The following SDK1 variants were observed in gnomAD, a reference collection of about 807,000 sequenced individuals.
SDK1 encodes the protein protein sidekick-1.
SDK1 carries 157 observed loss-of-function variants against 245.5 expected under a neutral mutation model. The observed-to-expected ratio is 0.64, with a 90% CI of 0.56 to 0.73. The LOEUF is 0.73. Among genes scored for constraint, SDK1 ranks in the 30% least tolerant of loss-of-function variants. SDK1 has a pLI of 0.00. For missense variants in SDK1, 3,583 were observed against 3,002.3 expected (o/e 1.19, Z -4.52); for synonymous variants, 1,647 against 1,278.5 (o/e 1.29, Z -6.15).
intron 1 of SDK1, among the ~76,000 whole-genome samples, chr7:3,348,632 C>T (rs374107185): frequency 1.3e-5 from 2 of 152,122 alleles, no homozygotes; most frequent in East Asian, 1.9e-4. Context: ...CTCGTCTGCA[C>T]CCCAAACCTC....
chr7:3,549,148 C>G (rs1281527091), intron 1 of SDK1, among the ~76,000 whole-genome samples: 2 of 152,224 alleles, frequency 1.3e-5, no homozygotes, highest in African/African-American at 4.8e-5. Flanking sequence ...AAGGCTTCCT[C>G]CTGTCTTTGT....
intron 1 of SDK1, among the ~76,000 whole-genome samples, chr7:3,439,792 A>G (rs1167372505): frequency 2.0e-5 from 3 of 152,202 alleles, no homozygotes; most frequent in Non-Finnish European, 4.4e-5. Flanking sequence ...GGAGGAAGAT[A>G]GTGAGAATGG....
rs188607441 is a variant in SDK1 at position 3,402,968 on chromosome 7, A to G, written c.298+101084A>G. Among the ~76,000 whole-genome samples the G allele has an allele frequency of 2.1e-3, 324 of 152,080 alleles. 2 individuals carry two copies. Among genetic ancestry groups the G allele is most frequent in the Admixed American group, 5.0e-3 (76 of 15,252 alleles). On this transcript the variant is annotated intron_variant, in intron 1 of 44. Coordinates refer to ENST00000404826, the MANE Select transcript of SDK1 (RefSeq NM_152744.4). ...TTCTTTCTTTCTTTCTTTTTTTGAGACAGAGTTTCACTCTGGAGTGCAGTG... is the reference window on the plus strand; with the variant it reads ...TTCTTTCTTTCTTTCTTTTTTTGAGGCAGAGTTTCACTCTGGAGTGCAGTG...
At chr7:3,357,793 A>G (rs926521886) in intron 1 of SDK1, among the ~76,000 whole-genome samples, 7 of 152,154 alleles carry the variant, frequency 4.6e-5, no homozygotes, top group African/African-American at 1.7e-4. Flanking sequence ...CTCAAAAACC[A>G]AACAGTAAAC....
intron 1 of SDK1, among the ~76,000 whole-genome samples, chr7:3,316,082 A>G (rs1278567495): frequency 6.6e-6 from 1 of 152,224 alleles, no homozygotes; most frequent in African/African-American, 2.4e-5. Flanking sequence ...AGTTAATGGT[A>G]GATGGTAGAT....
At chr7:3,305,209 C>T (rs1207025616) in intron 1 of SDK1, among the ~76,000 whole-genome samples, 1 of 152,220 alleles carries the variant, frequency 6.6e-6, no homozygotes, top group Non-Finnish European at 1.5e-5. Flanking sequence ...CTGAGGTGTA[C>T]ATCGGAATCA....
intron 4 of SDK1, among the ~76,000 whole-genome samples, chr7:3,670,845 C>T (rs776431839): frequency 1.3e-5 from 2 of 152,176 alleles, no homozygotes; most frequent in African/African-American, 4.8e-5. Flanking sequence ...CCTTTTACTA[C>T]TGGTTTGTGA....
At chr7:3,501,425 T>G (rs1029098787) in intron 1 of SDK1, among the ~76,000 whole-genome samples, 2 of 152,042 alleles carry the variant, frequency 1.3e-5, no homozygotes, top group Non-Finnish European at 2.9e-5. Context: ...ACAGTTAGGT[T>G]CCGAGTGACA....
chr7:3,553,270 A>T (rs764581101), intron 1 of SDK1, among the ~76,000 whole-genome samples: 1 of 152,324 alleles, frequency 6.6e-6, no homozygotes, highest in Non-Finnish European at 1.5e-5. Flanking sequence ...TTATTTTCCA[A>T]TGATGAATCT....
At position 3,315,949 on chromosome 7, in the gene SDK1, C is replaced by G. The variant is rs904047161; in HGVS notation, c.298+14065C>G. Among the ~76,000 whole-genome samples the G allele has an allele frequency of 3.3e-5, 5 of 152,096 alleles. No homozygotes were observed. The East Asian group carries it at 9.6e-4, about 29-fold the overall frequency. ...GGCTCATTATAAGAATAAAAAACTC[C>G]TTTGAAAGATGGATTGATAAACACA... On this transcript the variant is annotated intron_variant, in intron 1 of 44. Coordinates refer to ENST00000404826, the MANE Select transcript of SDK1 (RefSeq NM_152744.4).
At chr7:4,144,987 G>A (rs1395241942) in intron 28 of SDK1, among the ~76,000 whole-genome samples, 1 of 152,194 alleles carries the variant, frequency 6.6e-6, no homozygotes, top group African/African-American at 2.4e-5. Context: ...GGTTCCTCCA[G>A]ATGCCAGCGG....
chr7:3,937,499 G>A (rs761695765), intron 5 of SDK1, among the ~76,000 whole-genome samples: 87 of 152,304 alleles, frequency 5.7e-4, no homozygotes, highest in Non-Finnish European at 4.0e-4. Flanking sequence ...TTAACAGGAG[G>A]CTTTTGTGGA....
intron 1 of SDK1, among the ~76,000 whole-genome samples, chr7:3,596,310 TGGTAC>T (rs1781060580): frequency 6.6e-6 from 1 of 152,086 alleles, no homozygotes; most frequent in Admixed American, 6.6e-5. Context: ...GCACAATAAT[TGGTAC>T]AAGAGAGTAA....
intron 43 of SDK1, among the ~76,000 whole-genome samples, chr7:4,245,063 C>A (rs1786762841): frequency 6.6e-6 from 1 of 152,210 alleles, no homozygotes. Flanking sequence ...AGTCTTCAGT[C>A]TGCCATGTTC....
chr7:3,402,584 G>C (rs912703981), intron 1 of SDK1, among the ~76,000 whole-genome samples: 12 of 152,156 alleles, frequency 7.9e-5, no homozygotes, highest in Non-Finnish European at 1.5e-4. Context: ...AGTGAAATAA[G>C]AATGTGCATT....
intron 1 of SDK1, among the ~76,000 whole-genome samples, chr7:3,524,997 T>C (rs558040666): frequency 9.2e-5 from 14 of 152,012 alleles, no homozygotes; most frequent in Admixed American, 6.6e-4. Flanking sequence ...GGATCAGAAA[T>C]AGGTGGAAAA....
chr7:3,919,086 A>G (rs1779493394), intron 5 of SDK1, among the ~76,000 whole-genome samples: 1 of 152,196 alleles, frequency 6.6e-6, no homozygotes, highest in African/African-American at 2.4e-5. Flanking sequence ...TATAATTACT[A>G]TTATTAACTA....
chr7:3,539,938 G>A (rs1391900593), intron 1 of SDK1, among the ~76,000 whole-genome samples: 1 of 152,226 alleles, frequency 6.6e-6, no homozygotes, highest in African/African-American at 2.4e-5. Context: ...GCTGCAGCCA[G>A]TAGGCATAAT....
At chr7:4,145,072 G>T (rs889552542) in intron 28 of SDK1, among the ~76,000 whole-genome samples, 7 of 152,158 alleles carry the variant, frequency 4.6e-5, no homozygotes, top group African/African-American at 1.7e-4. Context: ...GCCCCTCCCA[G>T]CGGAGGAACT....
Sources: gnomAD v4.1 joint callset for allele counts (sites outside exome capture counted in the v4.1 genomes callset) on GRCh38, gnomAD v4.1.1 for gene constraint, MANE v1.5 for transcripts, NCBI Gene and HGNC (gene_info 2026-07-23, HGNC 2026-07-21) for gene names.